The following ZBED6 variants were observed in gnomAD, a reference collection of about 807,000 sequenced individuals.
The protein encoded by ZBED6 is zinc finger BED-type containing 6, also known as zinc finger BED domain-containing protein 6.
ZBED6 carries 40 observed loss-of-function variants against 58.4 expected under a neutral mutation model. The ratio of observed to expected loss-of-function variants is 0.68; its 90% CI spans 0.53 to 0.89. ZBED6 has a LOEUF of 0.89. ZBED6 is among the 40% of genes least tolerant of loss of function. The pLI, the probability that ZBED6 is intolerant of heterozygous loss-of-function variation, is 0.00. For missense variants in ZBED6, 1,057 were observed against 1,003.9 expected (o/e 1.05, Z -0.71); for synonymous variants, 439 against 350.6 (o/e 1.25, Z -2.82).
exon 1 of ZBED6, chr1:203,800,491 CT>C: frequency 6.9e-7 from 1 of 1,458,994 alleles, no homozygotes; most frequent in Non-Finnish European, 9.0e-7. Context: ...AAATGGGCAA[CT>C]TTTTGCTGTG....
chr1:203,810,444 G>T (rs1222671302), intron 1 of ZBED6, among the ~76,000 whole-genome samples: 1 of 140,136 alleles, frequency 7.1e-6, no homozygotes, highest in Non-Finnish European at 1.5e-5. Context: ...TTTTGAGACA[G>T]AGTCTCACTC....
exon 12 of ZBED6, chr1:203,847,262 G>A (rs1688150747): frequency 1.2e-6 from 2 of 1,613,718 alleles, no homozygotes; most frequent in African/African-American, 1.3e-5. Context: ...CAGAAACGTG[G>A]AGAATTGCAA....
intron 11 of ZBED6, among the ~76,000 whole-genome samples, chr1:203,846,517 A>C (rs1401949373): frequency 1.3e-5 from 2 of 152,140 alleles, no homozygotes; most frequent in African/African-American, 4.8e-5. Flanking sequence ...CATTATACCT[A>C]CCTTATCAAA....
At chr1:203,842,784 T>A (rs1375479963) in intron 11 of ZBED6, among the ~76,000 whole-genome samples, 1 of 151,742 alleles carries the variant, frequency 6.6e-6, no homozygotes, top group Non-Finnish European at 1.5e-5. Flanking sequence ...ATTGGTGTCA[T>A]CTGGGTATTG....
rs1355988310 is a variant in ZBED6, at chr1:203,799,752, A to G, written c.2230A>G (p.Ser744Gly). 3.6e-6 allele frequency: 3 copies of G among 834,926 alleles called. No homozygotes were observed. The African/African-American group carries it at 5.0e-5, about 14-fold the overall frequency. The allele number at this position is 834,926 out of a possible 1,614,324, so 51.7% of individuals were successfully genotyped here. The change falls in exon 1 of 17, where the codon AGT (serine) becomes GGT (glycine). Residue 744 changes from serine to glycine, a missense_variant. Physicochemically the swap from Ser to Gly is moderately conservative, Grantham distance 56. Transcript: ENST00000550078. ...TACTCAGGCCCTCAATCTGGTGGAT[A>G]GTTTATCTCTGAAACTTGAAACAGA...
At chr1:203,830,044 T>TA in intron 6 of ZBED6, 79 bp from the exon 7 acceptor site, 1 of 1,357,268 alleles carries the variant, frequency 7.4e-7, no homozygotes, top group Non-Finnish European at 1.0e-6. Context: ...TATTCAAAAA[T>TA]AAATGCCTGC....
exon 13 of ZBED6, chr1:203,848,384 A>C (rs1453716304): frequency 6.2e-7 from 1 of 1,613,276 alleles, no homozygotes; most frequent in Non-Finnish European, 8.5e-7. Context: ...TTCTCAGAGC[A>C]GTATTAGAAC....
At chr1:203,830,011 A>G (rs1027111746) in intron 6 of ZBED6, 112 bp from the exon 7 acceptor site, 310 of 1,299,236 alleles carry the variant, frequency 2.4e-4, no homozygotes, top group Non-Finnish European at 1.6e-4. Flanking sequence ...ATACTTACCT[A>G]TACTTAGTTT....
In ZBED6 at chr1:203,829,441, G is replaced by A. The variant is rs1301921754; in HGVS notation, c.*2998-10G>A. On this transcript the variant is annotated splice_polypyrimidine_tract_variant and intron_variant, in intron 4 of 16. Coordinates refer to ENST00000550078, the Ensembl canonical transcript of ZBED6. ...CTGTTTTTAATTTATGACTGATTTT[G>A]TGCGTTTAGCTGTGTTGCCCACTGT... 1.2e-5 allele frequency: 19 copies of A among 1,613,714 alleles called. No individual in the cohort carries two copies. Among genetic ancestry groups the A allele is most frequent in the Non-Finnish European group, 1.5e-5 (18 of 1,179,822 alleles).
At position 203,828,239 on chromosome 1, in the gene ZBED6, G is replaced by C; in HGVS notation, c.*2874-60G>C. On this transcript the variant is annotated intron_variant, in intron 3 of 16. Transcript: ENST00000550078. ...ATGAACTTTGTCTAGAAAACAAACT[G>C]CCACATGAATATACGTATCACTGTT... The C allele has an allele frequency of 1.9e-6, 3 of 1,599,602 alleles. No individual in the cohort carries two copies. The South Asian group carries it at 3.4e-5, about 18-fold the overall frequency.
chr1:203,851,860 T>C (rs1689362397), intron 16 of ZBED6, among the ~76,000 whole-genome samples: 1 of 150,838 alleles, frequency 6.6e-6, no homozygotes, highest in Non-Finnish European at 1.5e-5. Flanking sequence ...ACCCAGCTAC[T>C]TGGGAGGCGG....
exon 1 of ZBED6, chr1:203,802,817 T>G (rs1235246240): frequency 1.3e-5 from 2 of 152,378 alleles, no homozygotes; most frequent in Non-Finnish European, 2.9e-5. Context: ...GGACTTAATC[T>G]CCCAGTAGTT....
At chr1:203,809,172 G>GTTTTTTTTTTTTT (rs33926996) in intron 1 of ZBED6, among the ~76,000 whole-genome samples, 1 of 83,248 alleles carries the variant, frequency 1.2e-5, no homozygotes, top group East Asian at 4.0e-4. Context: ...TCTTCTCACT[G>GTTTTTTTTTTTTT]TTTTTTTTTT....
chr1:203,838,678 C>T (rs749027251), intron 10 of ZBED6, among the ~76,000 whole-genome samples: 7 of 152,210 alleles, frequency 4.6e-5, no homozygotes, highest in East Asian at 1.9e-4. Flanking sequence ...AGGCCGGGCA[C>T]GGTAGGTCAT....
At chr1:203,799,956 A>G (rs1670028404) in exon 1 of ZBED6, 2 of 1,536,118 alleles carry the variant, frequency 1.3e-6, no homozygotes, top group Non-Finnish European at 8.7e-7. Flanking sequence ...GATCTGCCAA[A>G]TTCCAACTTC....
At chr1:203,824,507 A>G (rs1021116855) in intron 3 of ZBED6, among the ~76,000 whole-genome samples, 5 of 152,112 alleles carry the variant, frequency 3.3e-5, no homozygotes, top group African/African-American at 7.2e-5. Context: ...TAACCCCCAA[A>G]TCAGTACTTG....
chr1:203,817,184 G>T, intron 2 of ZBED6, 60 bp downstream of exon 2: 1 of 1,397,612 alleles, frequency 7.2e-7, no homozygotes. Context: ...AATTGGATAA[G>T]ATTTTCCCAA....
exon 13 of ZBED6, chr1:203,848,393 A>T: frequency 6.2e-7 from 1 of 1,610,298 alleles, no homozygotes; most frequent in Non-Finnish European, 8.5e-7. Flanking sequence ...CAGTATTAGA[A>T]CAGAAGCTAA....
chr1:203,821,353 T>C (rs1678623894), intron 3 of ZBED6, among the ~76,000 whole-genome samples: 2 of 152,188 alleles, frequency 1.3e-5, no homozygotes, highest in Admixed American at 6.5e-5. Context: ...GATAGTTCTT[T>C]ATAGCAATGT....
Sources: gnomAD v4.1 joint callset for allele counts (sites outside exome capture counted in the v4.1 genomes callset) on GRCh38, gnomAD v4.1.1 for gene constraint, MANE v1.5 for transcripts, NCBI Gene and HGNC (gene_info 2026-07-23, HGNC 2026-07-21) for gene names.